Variants in HECW1 observed in about 807,000 individuals in gnomAD.
The protein encoded by HECW1 is E3 ubiquitin-protein ligase HECW1.
In HECW1, 61 loss-of-function variants were observed where a neutral mutation model predicts 182.3. The ratio of observed to expected loss-of-function variants is 0.33; its 90% CI spans 0.27 to 0.41. The LOEUF (loss-of-function observed/expected upper bound fraction) is 0.41, where lower values mean the gene tolerates loss of function less well. Ranked by LOEUF, HECW1 falls within the 10% of genes least tolerant of loss-of-function variation. The pLI is 1.00. For synonymous variants in HECW1, 859 were observed against 832.6 expected (o/e 1.03, Z -0.55); for missense variants, 1,739 against 2,108.9 (o/e 0.82, Z 3.44).
At chr7:43,186,572 G>A (rs1793422280) in intron 2 of HECW1, among the ~76,000 whole-genome samples, 2 of 151,958 alleles carry the variant, frequency 1.3e-5, no homozygotes, top group Admixed American at 6.6e-5. Flanking sequence ...GGGAGGCTGA[G>A]GCAGGAGAAT....
chr7:43,422,191 A>T (rs1443375395), intron 8 of HECW1, among the ~76,000 whole-genome samples: 2 of 152,096 alleles, frequency 1.3e-5, no homozygotes, highest in African/African-American at 4.8e-5. Context: ...CTTTGCACCA[A>T]CCTAACCAAA....
intron 2 of HECW1, among the ~76,000 whole-genome samples, chr7:43,165,166 T>C (rs1278970074): frequency 6.6e-6 from 1 of 152,242 alleles, no homozygotes. Flanking sequence ...TAATTTTCCC[T>C]GGCATCTATT....
chr7:43,284,357 C>T (rs1330473845), intron 3 of HECW1, among the ~76,000 whole-genome samples: 4 of 151,642 alleles, frequency 2.6e-5, no homozygotes, highest in South Asian at 2.1e-4. Flanking sequence ...TTTTTTGTGG[C>T]GAGAGCACTT....
At chr7:43,419,271 A>T (rs1584843560) in intron 8 of HECW1, among the ~76,000 whole-genome samples, 2 of 152,328 alleles carry the variant, frequency 1.3e-5, no homozygotes, top group East Asian at 1.9e-4. Flanking sequence ...CATTCAGGGC[A>T]AAGATCCCAC....
At chr7:43,447,659 G>A (rs2077100686) in intron 11 of HECW1, among the ~76,000 whole-genome samples, 1 of 152,202 alleles carries the variant, frequency 6.6e-6, no homozygotes, top group Non-Finnish European at 1.5e-5. Flanking sequence ...TGTCTGCATT[G>A]TGGGACTGTC....
intron 4 of HECW1, among the ~76,000 whole-genome samples, chr7:43,316,109 T>C (rs996097858): frequency 3.9e-5 from 6 of 152,190 alleles, no homozygotes; most frequent in African/African-American, 1.4e-4. Context: ...TACTTGTTTC[T>C]TAGGTATGTC....
intron 24 of HECW1, among the ~76,000 whole-genome samples, chr7:43,525,579 A>T (rs1475085948): frequency 6.6e-6 from 1 of 152,226 alleles, no homozygotes; most frequent in Admixed American, 6.5e-5. Flanking sequence ...CGCAGCTGAA[A>T]AAAGTACTGC....
intron 17 of HECW1, among the ~76,000 whole-genome samples, chr7:43,488,434 G>GAGAAAGAAAGAAAGAAAGAAAGAAAGAA (rs796394625): frequency 1.1e-5 from 1 of 93,082 alleles, no homozygotes. Flanking sequence ...AAGAAAGAAA[G>GAGAAAGAAAGAAAGAAAGAAAGAAAGAA]AGAAAGAAAG....
chr7:43,440,368 C>T (rs1027786755), intron 9 of HECW1: 1 of 152,348 alleles, frequency 6.6e-6, no homozygotes, highest in Non-Finnish European at 1.5e-5. Context: ...ATTCCTTGGC[C>T]TGTAAAATCC....
At chr7:43,524,554 C>T (rs993603174) in intron 24 of HECW1, among the ~76,000 whole-genome samples, 1 of 152,190 alleles carries the variant, frequency 6.6e-6, no homozygotes, top group Non-Finnish European at 1.5e-5. Context: ...TTATGAAGTA[C>T]TTTTCATCTT....
rs965718507 is a variant in HECW1, at chr7:43,480,698, C to T, written c.3234+954C>T. On this transcript the variant is annotated intron_variant, in intron 17 of 29. Coordinates refer to ENST00000395891, the MANE Select transcript of HECW1 (RefSeq NM_015052.5). ...ACATATATACGCATATATATATATA[C>T]ACACACACACACATATATACGCATA... Among the ~76,000 whole-genome samples the T allele has an allele frequency of 8.8e-4, 110 of 125,506 alleles. 2 individuals carry two copies. The South Asian group carries it at 0.022, about 25-fold the overall frequency. The allele number at this position is 125,506 out of a possible 152,430, so 82.3% of individuals were successfully genotyped here.
rs1355602493 is a variant in HECW1, at chr7:43,196,917, AT to A, written c.-31-46951del. On this transcript the variant is annotated intron_variant, in intron 2 of 29. Coordinates refer to ENST00000395891, the MANE Select transcript of HECW1 (RefSeq NM_015052.5). ...TTTATTTTCCCCCTGCCCTTGAGCC[AT>A]TTTTTTAAGTATATACATGGTAGTG... Among the ~76,000 whole-genome samples the A allele has an allele frequency of 2.6e-5, 4 of 152,064 alleles. No homozygotes were observed. In the East Asian group the frequency reaches 5.8e-4, roughly 22 times the overall value.
At chr7:43,497,621 A>G (rs1037315336) in intron 19 of HECW1, among the ~76,000 whole-genome samples, 4 of 152,126 alleles carry the variant, frequency 2.6e-5, no homozygotes, top group Non-Finnish European at 4.4e-5. Context: ...TATGCAGGAG[A>G]CTATTATATT....
intron 5 of HECW1, among the ~76,000 whole-genome samples, chr7:43,336,160 C>T (rs865961378): frequency 0.02 from 2,023 of 98,900 alleles, 10 homozygotes; most frequent in East Asian, 0.036. Context: ...CTCTCTCTCT[C>T]TCTCTCTCTC....
chr7:43,139,503 A>G (rs1042440343), intron 2 of HECW1, among the ~76,000 whole-genome samples: 5 of 151,928 alleles, frequency 3.3e-5, no homozygotes, highest in Middle Eastern at 3.4e-3. Context: ...CTGTTTTCCT[A>G]TTTAATTAAT....
chr7:43,317,421 C>G (rs1437309748), intron 4 of HECW1, among the ~76,000 whole-genome samples: 1 of 152,240 alleles, frequency 6.6e-6, no homozygotes, highest in African/African-American at 2.4e-5. Context: ...GCATCAGCCT[C>G]GTTGGAGAGC....
intron 2 of HECW1, among the ~76,000 whole-genome samples, chr7:43,159,499 TA>T (rs891140130): frequency 3.3e-5 from 5 of 151,972 alleles, no homozygotes; most frequent in Non-Finnish European, 5.9e-5. Flanking sequence ...TTAGTTTCCT[TA>T]AAAAAAATTT....
At chr7:43,190,535 A>G (rs112051194) in intron 2 of HECW1, among the ~76,000 whole-genome samples, 24 of 152,348 alleles carry the variant, frequency 1.6e-4, no homozygotes, top group African/African-American at 5.3e-4. Flanking sequence ...ACATTGATAC[A>G]GTGGAGCCAT....
rs116464379 is a variant in HECW1 at position 43,421,469 on chromosome 7, G to A, written c.801+13738G>A. 3.7e-3 allele frequency among the ~76,000 whole-genome samples: 568 copies of A among 152,074 alleles called. 1 individual carries two copies. Among genetic ancestry groups the A allele is most frequent in the African/African-American group, 0.013 (534 of 41,496 alleles). ...AATGGCAATAAAATTAAGAACCACC[G>A]TTCATCAAAACTTTACATTAAGAGC... On this transcript the variant is annotated intron_variant, in intron 8 of 29. Transcript: ENST00000395891.
Sources: gnomAD v4.1 joint callset for allele counts (sites outside exome capture counted in the v4.1 genomes callset) on GRCh38, gnomAD v4.1.1 for gene constraint, MANE v1.5 for transcripts, NCBI Gene and HGNC (gene_info 2026-07-23, HGNC 2026-07-21) for gene names.